Variants in FZD3 observed in about 807,000 individuals in gnomAD.
FZD3 encodes the protein frizzled-3.
A neutral mutation model predicts 60.7 loss-of-function variants in FZD3; 30 were observed. The observed-to-expected ratio is 0.49, with a 90% CI of 0.37 to 0.67. FZD3 has a LOEUF of 0.67. Among genes scored for constraint, FZD3 ranks in the 30% least tolerant of loss-of-function variants. The pLI is 0.00. For synonymous variants in FZD3, 246 were observed against 275.2 expected (o/e 0.89, Z 1.05); for missense variants, 605 against 838.7 (o/e 0.72, Z 3.44).
intron 2 of FZD3, among the ~76,000 whole-genome samples, chr8:28,500,766 C>CT (rs917268943): frequency 2.1e-4 from 31 of 149,282 alleles, no homozygotes; most frequent in Non-Finnish European, 2.8e-4. Flanking sequence ...TACCAGTTTT[C>CT]TTTTTTTTTT....
chr8:28,519,857 A>G (rs753975835), intron 3 of FZD3, among the ~76,000 whole-genome samples: 3 of 151,736 alleles, frequency 2.0e-5, no homozygotes, highest in Non-Finnish European at 4.4e-5. Context: ...TTCTCCCATT[A>G]CTGGTTGTCC....
chr8:28,501,316 T>C (rs562931958), intron 2 of FZD3, among the ~76,000 whole-genome samples: 2 of 152,228 alleles, frequency 1.3e-5, no homozygotes, highest in Non-Finnish European at 2.9e-5. Flanking sequence ...CAAATAGTTA[T>C]CTGCCTAGTA....
At chr8:28,512,166 C>T (rs1031582068) in intron 3 of FZD3, among the ~76,000 whole-genome samples, 1 of 151,998 alleles carries the variant, frequency 6.6e-6, no homozygotes, top group African/African-American at 2.4e-5. Flanking sequence ...GTCAAAGTGA[C>T]TTGAATTCAA....
intron 5 of FZD3, among the ~76,000 whole-genome samples, chr8:28,538,211 C>T (rs1805069880): frequency 6.6e-6 from 1 of 151,500 alleles, no homozygotes; most frequent in Admixed American, 6.6e-5. Flanking sequence ...TAACCTATCA[C>T]TATAATAAAC....
At position 28,528,083 on chromosome 8, in the gene FZD3, T is replaced by G; in HGVS notation, c.1323T>G (p.Tyr441Ter). Residue 441 changes from tyrosine (Y) to a stop codon, truncating the protein, a stop_gained, in exon 5 of 8, where the codon TAT becomes TAG. Transcript: ENST00000240093. LOFTEE classifies it high-confidence loss of function. The part of the protein sequence containing the change: ...PLLVVIGCYF[Y>*]EQAYRGIWET... The stretch of plus-strand genomic sequence containing the variant: ...TGGTTGTAATTGGATGCTACTTTTA[T>G]GAGCAAGCTTACCGGGGCATCTGGG... The G allele has an allele frequency of 6.2e-7, 1 of 1,613,978 alleles. No individual in the cohort carries two copies. The highest frequency in any genetic ancestry group is 8.5e-7 in the Non-Finnish European group (1 of 1,179,852).
chr8:28,555,857 C>T lies in FZD3; in HGVS notation c.1673C>T (p.Thr558Ile), dbSNP rs748444558. 1 of 1,613,422 alleles carries T rather than the reference C, an allele frequency of 6.2e-7. No individual in the cohort carries two copies. Among genetic ancestry groups the T allele is most frequent in the Non-Finnish European group, 8.5e-7 (1 of 1,179,362 alleles). The change falls in exon 7 of 8, where the codon ACC becomes ATC. Residue 558 changes from threonine to isoleucine, a missense_variant. By Grantham distance (89) the Thr-to-Ile change is moderately conservative. Coordinates refer to ENST00000240093, the MANE Select transcript of FZD3 (RefSeq NM_017412.4). ...GGAACTTCCACTCAAGGAACATCCACCCATGCTTCTTCAACTCAGCTGGCT... is the reference window on the plus strand; with the variant it reads ...GGAACTTCCACTCAAGGAACATCCATCCATGCTTCTTCAACTCAGCTGGCT... ...SRGTSTQGTSTHASSTQLAMV... is the reference protein window; with the variant it reads ...SRGTSTQGTSIHASSTQLAMV...
rs559139151 is a variant in FZD3 at position 28,513,618 on chromosome 8, G to C, written c.190-7020G>C. 4.7e-4 allele frequency among the ~76,000 whole-genome samples: 71 copies of C among 152,218 alleles called. 1 individual carries two copies. The highest frequency in any genetic ancestry group is 7.6e-4 in the Non-Finnish European group (52 of 68,008). On this transcript the variant is annotated intron_variant, in intron 3 of 7. Transcript: ENST00000240093. Reference sequence around the variant, plus strand: ...ATTAGGCATTTTATTGTTACAGAAAGGGGATTTTTAAAAGGTGTCATTTTT... The same window carrying C: ...ATTAGGCATTTTATTGTTACAGAAACGGGATTTTTAAAAGGTGTCATTTTT...
chr8:28,573,270 C>A lies in FZD3; in HGVS notation c.*10259C>A, dbSNP rs1216098615. On this transcript the variant is annotated 3_prime_UTR_variant, in exon 8 of 8. Coordinates refer to ENST00000240093, the MANE Select transcript of FZD3 (RefSeq NM_017412.4). ...ATATTAAAGTGTTAGTGACTATAGC[C>A]CTTTTATCTCTCTTAAAGAGAAATC... 1.3e-5 allele frequency: 2 copies of A among 151,954 alleles called. No individual in the cohort carries two copies. Among genetic ancestry groups the A allele is most frequent in the African/African-American group, 4.8e-5 (2 of 41,362 alleles). 9.4% of individuals were successfully genotyped at this position (151,954 alleles called of 1,614,324 possible).
rs1257315430 is a variant in FZD3 at position 28,566,005 on chromosome 8, T to G, written c.*2994T>G. 2 of 152,112 alleles carry G rather than the reference T, an allele frequency of 1.3e-5. No individual in the cohort carries two copies. The highest frequency in any genetic ancestry group is 1.5e-5 in the Non-Finnish European group (1 of 67,978). The allele number at this position is 152,112 out of a possible 1,614,324, so 9.4% of individuals were successfully genotyped here. Reference sequence around the variant, plus strand: ...TTTTATTCAATAACTAGACAAAAGATCTAAGATAATATTAAACTCAAAACA... The same window carrying G: ...TTTTATTCAATAACTAGACAAAAGAGCTAAGATAATATTAAACTCAAAACA... On this transcript the variant is annotated 3_prime_UTR_variant, in exon 8 of 8. Transcript: ENST00000240093.
intron 5 of FZD3, among the ~76,000 whole-genome samples, chr8:28,550,479 A>ATTTTTTTTTTTTTTT (rs1805385873): frequency 1.7e-5 from 1 of 59,164 alleles, no homozygotes; most frequent in Non-Finnish European, 3.2e-5. Context: ...TTCTTCTTTT[A>ATTTTTTTTTTTTTTT]TCTTTTTTTT....
Position 28,527,218 on chromosome 8 carries a change from C to T in FZD3, c.458C>T (p.Ala153Val). 1 of 1,613,492 alleles carries T rather than the reference C, an allele frequency of 6.2e-7. No homozygotes were observed. Among genetic ancestry groups the T allele is most frequent in the Non-Finnish European group, 8.5e-7 (1 of 1,179,516 alleles). Residue 153 changes from alanine to valine, a missense_variant, in exon 5 of 8, where the codon GCC becomes GTC. Coordinates refer to ENST00000240093, the MANE Select transcript of FZD3 (RefSeq NM_017412.4). The surrounding 1 kb of genome is among the most constrained non-coding windows in gnomAD (Gnocchi z 5.0). ...TTAGCTGGAGAACCAACTGAAGGAG[C>T]CCCAGTGGCAGTGCAGAGAGACTAT... is the stretch of plus-strand genomic sequence containing the variant. The part of the protein sequence containing the change: ...LNLAGEPTEG[A>V]PVAVQRDYGF...
chr8:28,531,157 A>T (rs1186107492), intron 5 of FZD3, among the ~76,000 whole-genome samples: 3 of 152,008 alleles, frequency 2.0e-5, no homozygotes, highest in Admixed American at 2.0e-4. Flanking sequence ...CCCTAGAGAA[A>T]CCCTTCTCAT....
At chr8:28,519,226 AAT>A (rs1236975701) in intron 3 of FZD3, among the ~76,000 whole-genome samples, 1 of 152,202 alleles carries the variant, frequency 6.6e-6, no homozygotes, top group Non-Finnish European at 1.5e-5. Context: ...CAAAATCAGC[AAT>A]GACTCAAACT....
At chr8:28,562,137 G>A (rs1563408660) in intron 7 of FZD3, among the ~76,000 whole-genome samples, 1 of 152,152 alleles carries the variant, frequency 6.6e-6, no homozygotes, top group African/African-American at 2.4e-5. Flanking sequence ...CAGAGTGTTA[G>A]GATGTAACTT....
rs978358474 is a variant in FZD3 at position 28,564,649 on chromosome 8, G to C, written c.*1638G>C. 5 of 152,218 alleles carry C rather than the reference G, an allele frequency of 3.3e-5. No individual in the cohort carries two copies. The highest frequency in any genetic ancestry group is 1.3e-4 in the Admixed American group (2 of 15,282). The allele number at this position is 152,218 out of a possible 1,614,324, so 9.4% of individuals were successfully genotyped here. Reference sequence around the variant, plus strand: ...CCAAATTCTGGGCTGTACTCCTAGAGAGACTTACTCAGTAAGGCCAAAGTG... The same window carrying C: ...CCAAATTCTGGGCTGTACTCCTAGACAGACTTACTCAGTAAGGCCAAAGTG... On this transcript the variant is annotated 3_prime_UTR_variant, in exon 8 of 8. Coordinates refer to ENST00000240093, the MANE Select transcript of FZD3 (RefSeq NM_017412.4).
chr8:28,535,340 T>C (rs575560703), intron 5 of FZD3, among the ~76,000 whole-genome samples: 8 of 152,340 alleles, frequency 5.3e-5, no homozygotes, highest in African/African-American at 1.7e-4. Context: ...TTCCCTGTTA[T>C]TAATATCTTA....
intron 3 of FZD3, among the ~76,000 whole-genome samples, chr8:28,511,026 G>C (rs972755632): frequency 3.9e-5 from 6 of 152,106 alleles, no homozygotes; most frequent in East Asian, 3.9e-4. Context: ...AACGGAGTGA[G>C]ACTCCGTCTC....
At chr8:28,529,814 T>G (rs1176633929) in intron 5 of FZD3, among the ~76,000 whole-genome samples, 1 of 152,156 alleles carries the variant, frequency 6.6e-6, no homozygotes, top group Non-Finnish European at 1.5e-5. Context: ...ACTCTTATTA[T>G]GAGTTTTCAG....
Position 28,531,010 on chromosome 8 carries a change from C to A in FZD3, c.1404+2846C>A, listed in dbSNP as rs555869856. Reference sequence around the variant, plus strand: ...TAGAAAATAAATATCCATGTACTCACAACCCAACTACCTTGAAATCTTGAA... The same window carrying A: ...TAGAAAATAAATATCCATGTACTCAAAACCCAACTACCTTGAAATCTTGAA... On this transcript the variant is annotated intron_variant, in intron 5 of 7. Coordinates refer to ENST00000240093, the MANE Select transcript of FZD3 (RefSeq NM_017412.4). 1.8e-3 allele frequency among the ~76,000 whole-genome samples: 277 copies of A among 152,200 alleles called. 6 individuals carry two copies. The highest frequency in any genetic ancestry group is 6.5e-3 in the African/African-American group (269 of 41,526).
Sources: gnomAD v4.1 joint callset for allele counts (sites outside exome capture counted in the v4.1 genomes callset) on GRCh38, gnomAD v4.1.1 for gene constraint, Gnocchi (gnomAD v3.1) non-coding constraint, MANE v1.5 for transcripts, NCBI Gene and HGNC (gene_info 2026-07-23, HGNC 2026-07-21) for gene names.